The following OGFOD3 variants were observed in gnomAD, a reference collection of about 807,000 sequenced individuals.
The protein encoded by OGFOD3 is 2-oxoglutarate and iron dependent oxygenase domain containing 3.
In OGFOD3, 35 loss-of-function variants were observed where a neutral mutation model predicts 39.8. The ratio of observed to expected loss-of-function variants is 0.88; its 90% confidence interval spans 0.67 to 1.17. OGFOD3 has a LOEUF of 1.17. Ranked by LOEUF, OGFOD3 falls within the 50% of genes most tolerant of loss-of-function variation. The pLI, the probability that OGFOD3 is intolerant of heterozygous loss-of-function variation, is 0.00. For synonymous variants in OGFOD3, 200 were observed against 192.0 expected, an observed-to-expected ratio of 1.04 and a Z score of -0.34; for missense variants, 438 against 454.5, an observed-to-expected ratio of 0.96 and a Z score of 0.33.
intron 1 of OGFOD3, chr17:82,418,188 A>C: frequency 1.1e-4 from 40 of 369,570 alleles, no homozygotes; most frequent in Non-Finnish European, 1.2e-4. Flanking sequence ...CCCCTCTGGG[A>C]TAGGTGGGCC....
At chr17:82,410,412 G>C (rs2052923959) in intron 3 of OGFOD3, among the ~76,000 whole-genome samples, 1 of 152,234 alleles carries the variant, frequency 6.6e-6, no homozygotes, top group Non-Finnish European at 1.5e-5. Flanking sequence ...ATCTCAGTAA[G>C]AAAAGTCCAG....
At chr17:82,398,449 G>A in intron 7 of OGFOD3, 130 bp from the exon 8 acceptor site, 1 of 1,089,424 alleles carries the variant, frequency 9.2e-7, no homozygotes, top group Non-Finnish European at 1.3e-6. Flanking sequence ...ACCCAGGCTG[G>A]AGTGCAGTGA....
chr17:82,403,955 C>T lies in OGFOD3; in HGVS notation c.681G>A (p.Trp227Ter). Residue 227 changes from tryptophan (W) to a stop codon, truncating the protein, a stop_gained, in exon 7 of 9, where the codon TGG becomes TGA. Transcript: ENST00000313056. LOFTEE classifies it high-confidence loss of function. ...CGCTCACCTTGTCCACGTGCGCATG[C>T]CAGTACTCGTCGTGCGCCGTCCGCG... is the stretch of plus-strand genomic sequence containing the variant. ...TEARTAHDEYWHAHVDKVTYG... is the reference protein window; with the variant it reads ...TEARTAHDEY 1 of 1,606,434 alleles carries T rather than the reference C, an allele frequency of 6.2e-7. No individual in the cohort carries two copies.
chr17:82,412,018 G>A lies in OGFOD3; in HGVS notation c.305-488C>T, dbSNP rs181521678. 6.5e-3 allele frequency among the ~76,000 whole-genome samples: 450 copies of A among 69,440 alleles called. 11 individuals are homozygous for A. The highest frequency in any genetic ancestry group is 9.3e-3 in the Admixed American group (40 of 4,282). The allele number at this position is 69,440 out of a possible 152,430, so 45.6% of individuals were successfully genotyped here. A position where few individuals can be genotyped will look rare whatever the true frequency, so the allele number is the denominator to read the frequency against. On this transcript the variant is annotated intron_variant, in intron 2 of 8. Coordinates refer to ENST00000313056, the MANE Select transcript of OGFOD3 (RefSeq NM_024648.3). ...CCACCAGAGCAGAAAACCCTCCTGA[G>A]ACCACCAGAGAGGAAGACCCTCCTG... is the stretch of plus-strand genomic sequence containing the variant.
chr17:82,394,468 G>T, intron 8 of OGFOD3: 1 of 1,613,940 alleles, frequency 6.2e-7, no homozygotes, highest in Non-Finnish European at 8.5e-7. Context: ...TCCAGCCTTC[G>T]CACCAGCAGC....
rs184637877 is a variant in OGFOD3 at position 82,411,423 on chromosome 17, G to A, written c.380+32C>T. 3.6e-3 allele frequency: 5,821 copies of A among 1,600,496 alleles called. 22 individuals carry two copies. The highest frequency in any genetic ancestry group is 4.4e-3 in the Non-Finnish European group (5,140 of 1,167,770). ...AGCCCCACTCCGCGTGTGTTTGTTT[G>A]AATCCCACCGTGCTCAGGGACAGGC... On this transcript the variant is annotated intron_variant, in intron 3 of 8. Transcript: ENST00000313056.
chr17:82,411,340 C>A, intron 3 of OGFOD3, 115 bp downstream of exon 3: 1 of 915,446 alleles, frequency 1.1e-6, no homozygotes, highest in Non-Finnish European at 1.7e-6. Flanking sequence ...AGCCACCACG[C>A]CTGGCAATAA....
chr17:82,409,146 G>A (rs1260544586), intron 4 of OGFOD3, among the ~76,000 whole-genome samples: 1 of 152,190 alleles, frequency 6.6e-6, no homozygotes. Flanking sequence ...ATGAATAGAT[G>A]GCCACGCACA....
chr17:82,418,229 C>T lies in OGFOD3; in HGVS notation c.74+183G>A, dbSNP rs191551620. 1,489 of 440,222 alleles carry T rather than the reference C, an allele frequency of 3.4e-3. 25 individuals are homozygous for T. Among genetic ancestry groups the T allele is most frequent in the African/African-American group, 0.028 (1,352 of 47,988 alleles). 27.3% of individuals were successfully genotyped at this position (440,222 alleles called of 1,614,324 possible). On this transcript the variant is annotated intron_variant, in intron 1 of 8. Transcript: ENST00000313056. The stretch of plus-strand genomic sequence containing the variant: ...CGTCGGCTACCGCGGCTCCCGCCCG[C>T]ACCTGCCCTGCTCCCAGCATGGGCT...
rs560312350 is a variant in OGFOD3, at chr17:82,400,313, C to T, written c.700-1994G>A. ...CCCCGGAGTCCCCCCTTAAAAGCTT[C>T]CCAAACACAAGTCCATGCCAGGCTC... On this transcript the variant is annotated intron_variant, in intron 7 of 8. Coordinates refer to ENST00000313056, the MANE Select transcript of OGFOD3 (RefSeq NM_024648.3). Among the ~76,000 whole-genome samples, 17 of 151,958 alleles carry T rather than the reference C, an allele frequency of 1.1e-4. No individual in the cohort carries two copies. In the South Asian group the frequency reaches 3.3e-3, roughly 30 times the overall value.
intron 7 of OGFOD3, chr17:82,400,924 G>A (rs2052753248): frequency 6.6e-6 from 1 of 152,198 alleles, no homozygotes. Flanking sequence ...CAGGGGCCAT[G>A]GAAGGAGCCG....
intron 4 of OGFOD3, among the ~76,000 whole-genome samples, chr17:82,407,033 C>G (rs1420931123): frequency 6.6e-6 from 1 of 152,130 alleles, no homozygotes; most frequent in African/African-American, 2.4e-5. Flanking sequence ...GCCTGGCTAA[C>G]ATGGTGAAAC....
At chr17:82,403,803 GCA>G in intron 7 of OGFOD3, 132 bp downstream of exon 7, 1 of 1,199,720 alleles carries the variant, frequency 8.3e-7, no homozygotes, top group Non-Finnish European at 1.2e-6. Context: ...GCCCACGTAC[GCA>G]CTCACCCTGC....
intron 4 of OGFOD3, among the ~76,000 whole-genome samples, chr17:82,409,032 G>A (rs1433006232): frequency 6.6e-6 from 1 of 152,214 alleles, no homozygotes; most frequent in African/African-American, 2.4e-5. Context: ...AGCATGCGCA[G>A]CCGTCTCCTC....
rs9903930 is a variant in OGFOD3, at chr17:82,406,762, T to C, written c.424-280A>G. ...AAGTAAAGGCGCTCGCCACCACACCTGGCTAATTTTTCTATTTTTTGTAGA... is the reference window on the plus strand; with the variant it reads ...AAGTAAAGGCGCTCGCCACCACACCCGGCTAATTTTTCTATTTTTTGTAGA... On this transcript the variant is annotated intron_variant, in intron 4 of 8. Coordinates refer to ENST00000313056, the MANE Select transcript of OGFOD3 (RefSeq NM_024648.3). This position sits in a 1 kb window ranked among gnomAD's most constrained non-coding sequence, Gnocchi z 5.2. 0.56 allele frequency among the ~76,000 whole-genome samples: 85,565 copies of C among 151,948 alleles called. 24,306 individuals carry two copies. The highest frequency in any genetic ancestry group is 0.69 in the South Asian group (3,338 of 4,810).
Position 82,391,343 on chromosome 17 carries a change from CTTTATT to C in OGFOD3, c.*1049_*1054del, listed in dbSNP as rs2052594797. 3 of 152,444 alleles carry C rather than the reference CTTTATT, an allele frequency of 2.0e-5. No homozygotes were observed. The highest frequency in any genetic ancestry group is 4.1e-4 in the South Asian group (2 of 4,838). The allele number at this position is 152,444 out of a possible 1,614,324, so 9.4% of individuals were successfully genotyped here. On this transcript the variant is annotated 3_prime_UTR_variant, in exon 9 of 9. Coordinates refer to ENST00000313056, the MANE Select transcript of OGFOD3 (RefSeq NM_024648.3). This position sits in a 1 kb window ranked among gnomAD's most constrained non-coding sequence, Gnocchi z 5.1. ...CTATTCGGGGCTCCTCTGACCACCA[CTTTATT>C]TTTATATTTTTAAGATGGAGTCTCA... is the stretch of plus-strand genomic sequence containing the variant.
At chr17:82,413,946 T>C (rs1275052657) in intron 2 of OGFOD3, among the ~76,000 whole-genome samples, 1 of 151,580 alleles carries the variant, frequency 6.6e-6, no homozygotes, top group East Asian at 1.9e-4. Context: ...TTGTAAAATA[T>C]ATACAAGATA....
chr17:82,418,156 A>G (rs981705904), intron 1 of OGFOD3, among the ~76,000 whole-genome samples: 4 of 152,180 alleles, frequency 2.6e-5, no homozygotes, highest in African/African-American at 9.6e-5. Flanking sequence ...GCTGGGAGCA[A>G]AGCCCCCTTC....
chr17:82,403,813 T>C, intron 7 of OGFOD3, 124 bp downstream of exon 7: 1 of 1,339,664 alleles, frequency 7.5e-7, no homozygotes, highest in Non-Finnish European at 1.0e-6. Context: ...GCACTCACCC[T>C]GCCCACGGGC....
Sources: allele counts gnomAD v4.1 joint callset (sites outside exome capture counted in the v4.1 genomes callset), GRCh38; gene constraint gnomAD v4.1.1; non-coding constraint Gnocchi (gnomAD v3.1); transcripts MANE v1.5; gene names NCBI Gene and HGNC (gene_info 2026-07-23, HGNC 2026-07-21).